ANXA8: variants seen among roughly 807,000 people sequenced by gnomAD.
ANXA8 encodes the protein annexin A8.
ANXA8 carries 9 observed loss-of-function variants against 26.8 expected under a neutral mutation model. The ratio of observed to expected loss-of-function variants is 0.34; its 90% CI spans 0.20 to 0.59. The LOEUF (loss-of-function observed/expected upper bound fraction) is 0.59, where lower values mean the gene tolerates loss of function less well. Among genes scored for constraint, ANXA8 ranks in the 20% least tolerant of loss-of-function variants. The probability of loss-of-function intolerance (pLI) is 0.84; values close to 1 mark genes in which losing one functional copy is unlikely to be tolerated. For missense variants in ANXA8, 83 were observed against 238.5 expected, an observed-to-expected ratio of 0.35 and a Z score of 4.29; for synonymous variants, 39 against 94.8, an observed-to-expected ratio of 0.41 and a Z score of 3.42.
At chr10:47,501,690 C>G in the ANXA8 span, among the ~76,000 whole-genome samples, 1 of 140,328 alleles carries the variant, frequency 7.1e-6, no homozygotes, top group African/African-American at 2.6e-5. Context: ...GCTGGGGCAA[C>G]AGAGCAAAAC....
chr10:47,674,297 A>G, the ANXA8 span, among the ~76,000 whole-genome samples: 1 of 150,584 alleles, frequency 6.6e-6, no homozygotes, highest in African/African-American at 2.5e-5. Context: ...ACACCTGGCT[A>G]ATTTTTTTTT....
the ANXA8 span, among the ~76,000 whole-genome samples, chr10:47,735,393 C>T: frequency 6.7e-6 from 1 of 148,686 alleles, no homozygotes; most frequent in Non-Finnish European, 1.5e-5. Context: ...CTGCACCAGG[C>T]CGTTTCTTTT....
At chr10:47,506,357 G>T in the ANXA8 span, among the ~76,000 whole-genome samples, 13 of 139,378 alleles carry the variant, frequency 9.3e-5, no homozygotes, top group Non-Finnish European at 1.7e-4. Context: ...TTGAGACAGA[G>T]TCTCTCTCTG....
At chr10:47,503,875 G>A in the ANXA8 span, among the ~76,000 whole-genome samples, 4 of 97,384 alleles carry the variant, frequency 4.1e-5, no homozygotes, top group Non-Finnish European at 7.5e-5. Flanking sequence ...GGGAGGCAGA[G>A]CCTGCAGTGA....
At chr10:47,721,089 A>C in the ANXA8 span, among the ~76,000 whole-genome samples, 1 of 141,428 alleles carries the variant, frequency 7.1e-6, no homozygotes, top group Non-Finnish European at 1.6e-5. Context: ...CAATTGTTAC[A>C]GTGAGCTATG....
At chr10:47,549,028 T>C in the ANXA8 span, among the ~76,000 whole-genome samples, 3 of 152,254 alleles carry the variant, frequency 2.0e-5, no homozygotes, top group Non-Finnish European at 4.4e-5. Context: ...AATGAGCTCT[T>C]ATTAGCTGTG....
chr10:47,595,886 T>G, the ANXA8 span, among the ~76,000 whole-genome samples: 1 of 148,406 alleles, frequency 6.7e-6, no homozygotes, highest in South Asian at 2.1e-4. Flanking sequence ...AATTCTGGAC[T>G]TAAATTTGCC....
chr10:47,514,045 G>A, the ANXA8 span, among the ~76,000 whole-genome samples: 166 of 141,642 alleles, frequency 1.2e-3, 8 homozygotes, highest in African/African-American at 4.1e-3. Context: ...CTTAACTAAA[G>A]AGCTTCTGCA....
chr10:47,619,639 T>C, the ANXA8 span, among the ~76,000 whole-genome samples: 2 of 119,284 alleles, frequency 1.7e-5, no homozygotes, highest in Non-Finnish European at 3.7e-5. Context: ...TTGTTAATGA[T>C]AGAAATCTGT....
chr10:47,504,846 CTTTTTTTTTTTTTTTT>C, the ANXA8 span, among the ~76,000 whole-genome samples: 2 of 46,842 alleles, frequency 4.3e-5, no homozygotes, highest in African/African-American at 7.4e-5. Flanking sequence ...CATAACTGTT[CTTTTTTTTTTTTTTTT>C]TTTTTTTTTT....
At chr10:47,695,236 G>T in the ANXA8 span, among the ~76,000 whole-genome samples, 7 of 151,638 alleles carry the variant, frequency 4.6e-5, no homozygotes, top group Non-Finnish European at 8.8e-5. Context: ...TCACTCGCCT[G>T]AACTCATTAA....
At chr10:47,733,143 ATCTTTCTTTCTTTCT>A in the ANXA8 span, among the ~76,000 whole-genome samples, 4 of 98,064 alleles carry the variant, frequency 4.1e-5, no homozygotes, top group African/African-American at 1.1e-4. Flanking sequence ...CAACTCCCTA[ATCTTTCTTTCTTTCT>A]TTCTTTCTTT....
the ANXA8 span, among the ~76,000 whole-genome samples, chr10:47,765,759 A>C: frequency 2.8e-5 from 4 of 144,888 alleles, no homozygotes; most frequent in African/African-American, 7.8e-5. Flanking sequence ...TGCTGCACCC[A>C]CTCCCCTTCC....
At chr10:47,612,463 G>A in the ANXA8 span, among the ~76,000 whole-genome samples, 3 of 69,600 alleles carry the variant, frequency 4.3e-5, 1 homozygote, top group Non-Finnish European at 1.1e-4. Context: ...TTTTCAACAG[G>A]CAGGTTGAAA....
the ANXA8 span, among the ~76,000 whole-genome samples, chr10:47,701,300 G>T: frequency 6.6e-6 from 1 of 151,316 alleles, no homozygotes; most frequent in Non-Finnish European, 1.5e-5. Context: ...CTTTTGAAGG[G>T]ATATTTGGCA....
the ANXA8 span, among the ~76,000 whole-genome samples, chr10:47,748,680 G>A: frequency 3.3e-5 from 5 of 152,192 alleles, no homozygotes; most frequent in East Asian, 1.9e-4. Context: ...GTAGAGGGGG[G>A]GGATCTTGCT....
chr10:47,947,472 G>A, the ANXA8 span, among the ~76,000 whole-genome samples: 1 of 147,840 alleles, frequency 6.8e-6, no homozygotes, highest in Non-Finnish European at 1.5e-5. Flanking sequence ...CTGTACAGTT[G>A]ATATGGCTTG....
chr10:47,539,458 C>T, the ANXA8 span, among the ~76,000 whole-genome samples: 8 of 127,996 alleles, frequency 6.3e-5, 1 homozygote, highest in African/African-American at 1.1e-4. Context: ...GCAACCAGGA[C>T]ACAGAGACAT....
At chr10:47,543,763 C>A in the ANXA8 span, 1 of 235,606 alleles carries the variant, frequency 4.2e-6, no homozygotes, top group Non-Finnish European at 8.1e-6. Flanking sequence ...CCACTAAGCA[C>A]ATCACTTAGG....
Sources: allele counts gnomAD v4.1 joint callset (sites outside exome capture counted in the v4.1 genomes callset), GRCh38; gene constraint gnomAD v4.1.1; transcripts MANE v1.5; gene names NCBI Gene and HGNC (gene_info 2026-07-23, HGNC 2026-07-21).